Variants in ZMYND12 observed in about 807,000 individuals in gnomAD.
ZMYND12 encodes the protein zinc finger MYND-type containing 12, also known as zinc finger MYND domain-containing protein 12.
In ZMYND12, 32 loss-of-function variants were observed where a neutral mutation model predicts 41.7. The observed-to-expected ratio is 0.77, with a 90% CI of 0.58 to 1.03. ZMYND12 has a LOEUF of 1.03. Ranked by LOEUF, ZMYND12 falls within the 50% of genes least tolerant of loss-of-function variation. The pLI is 0.00. For missense variants in ZMYND12, 424 were observed against 438.5 expected (o/e 0.97, Z 0.30); for synonymous variants, 148 against 164.8 (o/e 0.90, Z 0.78).
chr1:42,453,249 G>A (rs1241342283), intron 1 of ZMYND12, among the ~76,000 whole-genome samples: 1 of 151,986 alleles, frequency 6.6e-6, no homozygotes, highest in African/African-American at 2.4e-5. Context: ...TTAAAAGCAA[G>A]TAAAAGAAAA....
At position 42,435,277 on chromosome 1, in the gene ZMYND12, A is replaced by G; in HGVS notation, c.826T>C (p.Leu276=). 6.2e-7 allele frequency: 1 copy of G among 1,612,512 alleles called. No homozygotes were observed. Among genetic ancestry groups the G allele is most frequent in the Non-Finnish European group, 8.5e-7 (1 of 1,178,556 alleles). The change falls in exon 6 of 8, where the codon TTG becomes CTG. Residue 276 remains leucine (L), a synonymous_variant. Coordinates refer to ENST00000372565, the MANE Select transcript of ZMYND12 (RefSeq NM_032257.5). The stretch of plus-strand genomic sequence containing the variant: ...TTCAGGGAAAACTGCCACTTACCCA[A>G]GCCAGTGTCATTCTCAAATAGTTTG... ...LGKLFENDTG[L]DEAQEAEAIR...
At chr1:42,450,189 G>T in intron 1 of ZMYND12, 130 bp from the exon 2 acceptor site, 1 of 1,017,792 alleles carries the variant, frequency 9.8e-7, no homozygotes, top group Non-Finnish European at 1.4e-6. Context: ...GGAGCTCAAA[G>T]CCATTTCTGA....
In ZMYND12 at chr1:42,448,645, A is replaced by T. The variant is rs1643049219; in HGVS notation, c.253-7T>A. On this transcript the variant is annotated splice_region_variant and splice_polypyrimidine_tract_variant and intron_variant, in intron 2 of 7. Transcript: ENST00000372565. ...AGAATTCAATCAAATACTTCTGTGG[A>T]AGAGAGAAACAGACTATCTGAGACA... is the stretch of plus-strand genomic sequence containing the variant. 1 of 1,604,942 alleles carries T rather than the reference A, an allele frequency of 6.2e-7. No individual in the cohort carries two copies. The highest frequency in any genetic ancestry group is 8.5e-7 in the Non-Finnish European group (1 of 1,175,020).
chr1:42,438,402 C>T (rs915107149), intron 4 of ZMYND12, among the ~76,000 whole-genome samples: 3 of 152,194 alleles, frequency 2.0e-5, no homozygotes, highest in Admixed American at 6.5e-5. Flanking sequence ...ACCATCCCTA[C>T]ACCTGAAACA....
chr1:42,445,449 A>AG (rs758034393), intron 3 of ZMYND12, among the ~76,000 whole-genome samples: 156 of 150,176 alleles, frequency 1.0e-3, no homozygotes, highest in Middle Eastern at 3.4e-3. Flanking sequence ...AAAAAAAAAA[A>AG]GGGGAGACCC....
intron 7 of ZMYND12, chr1:42,432,804 G>A (rs1045380285): frequency 1.8e-5 from 4 of 223,826 alleles, no homozygotes; most frequent in Non-Finnish European, 3.4e-5. Flanking sequence ...CTGAATCCCC[G>A]CAGCAACAGG....
chr1:42,448,639 C>A lies in ZMYND12; in HGVS notation c.253-1G>T. ...TGTAGCAGAATTCAATCAAATACTT[C>A]TGTGGAAGAGAGAAACAGACTATCT... is the stretch of plus-strand genomic sequence containing the variant. On this transcript the variant is annotated splice_acceptor_variant, in intron 2 of 7. Transcript: ENST00000372565. LOFTEE classifies it high-confidence loss of function. 1 of 1,606,510 alleles carries A rather than the reference C, an allele frequency of 6.2e-7. No homozygotes were observed. Among genetic ancestry groups the A allele is most frequent in the Non-Finnish European group, 8.5e-7 (1 of 1,176,002 alleles).
intron 7 of ZMYND12, among the ~76,000 whole-genome samples, chr1:42,432,040 C>T (rs1425877998): frequency 2.7e-5 from 4 of 148,746 alleles, no homozygotes; most frequent in Non-Finnish European, 5.9e-5. Context: ...TCTTCTTCTT[C>T]TTCTTTTCTT....
At chr1:42,437,583 G>A (rs532882118) in intron 4 of ZMYND12, among the ~76,000 whole-genome samples, 7 of 151,382 alleles carry the variant, frequency 4.6e-5, no homozygotes, top group Non-Finnish European at 1.0e-4. Flanking sequence ...GTGCGATCTT[G>A]GCTCACTGCA....
intron 3 of ZMYND12, among the ~76,000 whole-genome samples, chr1:42,444,907 A>C (rs1485046237): frequency 6.8e-6 from 1 of 147,196 alleles, no homozygotes; most frequent in Non-Finnish European, 1.5e-5. Context: ...CCCCGGGTTC[A>C]TGCCATTCTC....
intron 1 of ZMYND12, 38 bp from the exon 2 acceptor site, chr1:42,450,097 T>C (rs1308081230): frequency 1.2e-6 from 2 of 1,606,868 alleles, no homozygotes; most frequent in African/African-American, 2.7e-5. Flanking sequence ...TCTTTATATT[T>C]GGCATGACTT....
chr1:42,444,871 G>GC (rs1306656978), intron 3 of ZMYND12, among the ~76,000 whole-genome samples: 3 of 144,898 alleles, frequency 2.1e-5, no homozygotes, highest in Non-Finnish European at 3.0e-5. Flanking sequence ...GTAGTGGTGC[G>GC]ATCTCCTCTC....
intron 7 of ZMYND12, 54 bp from the exon 8 acceptor site, chr1:42,430,912 G>A: frequency 5.0e-6 from 8 of 1,606,044 alleles, no homozygotes; most frequent in Non-Finnish European, 6.8e-6. Flanking sequence ...GCATAACACT[G>A]GGAAGCCCCA....
At chr1:42,435,688 T>A (rs186613934) in intron 5 of ZMYND12, among the ~76,000 whole-genome samples, 8 of 152,328 alleles carry the variant, frequency 5.3e-5, no homozygotes, top group African/African-American at 1.9e-4. Context: ...CCTCACAACA[T>A]CCTGATGTAA....
chr1:42,433,177 AC>A lies in ZMYND12; in HGVS notation c.940del (p.Val314SerfsTer6). The A allele has an allele frequency of 6.2e-7, 1 of 1,610,148 alleles. No homozygotes were observed. The highest frequency in any genetic ancestry group is 8.5e-7 in the Non-Finnish European group (1 of 1,178,328). ...ATTCATCATCAGGTAGTAAAACATG[AC>A]CAGGATCTTCAGAACAAAGATGGTT... ...QKTIFVLKILVMFYYLMMNSS... is the reference protein window; with the variant it reads ...QKTIFVLKILXMFYYLMMNSS... On this transcript the variant is annotated frameshift_variant, in exon 7 of 8. Transcript: ENST00000372565. LOFTEE classifies it low-confidence loss of function (END_TRUNC).
intron 3 of ZMYND12, among the ~76,000 whole-genome samples, chr1:42,445,114 G>T (rs1191462535): frequency 3.3e-5 from 5 of 150,514 alleles, no homozygotes; most frequent in Non-Finnish European, 7.4e-5. Context: ...GGCCAGAAAG[G>T]GTAGTTCTTT....
chr1:42,455,442 T>C (rs1386232302), intron 1 of ZMYND12, among the ~76,000 whole-genome samples: 2 of 152,226 alleles, frequency 1.3e-5, no homozygotes, highest in Admixed American at 1.3e-4. Context: ...CCGCCTAATT[T>C]TTGTATTTTT....
chr1:42,435,646 T>G, intron 5 of ZMYND12: 1 of 332,960 alleles, frequency 3.0e-6, no homozygotes, highest in East Asian at 5.9e-5. Flanking sequence ...GGTTATCTTT[T>G]GTATAGCACA....
intron 1 of ZMYND12, among the ~76,000 whole-genome samples, chr1:42,454,676 T>G (rs1360778711): frequency 6.6e-6 from 1 of 151,800 alleles, no homozygotes; most frequent in Non-Finnish European, 1.5e-5. Flanking sequence ...GGTTTAAACT[T>G]CTACTACCTA....
Sources: gnomAD v4.1 joint callset for allele counts (sites outside exome capture counted in the v4.1 genomes callset) on GRCh38, gnomAD v4.1.1 for gene constraint, MANE v1.5 for transcripts, NCBI Gene and HGNC (gene_info 2026-07-23, HGNC 2026-07-21) for gene names.